Variants in SEMA5A observed in about 807,000 individuals in gnomAD.
SEMA5A encodes semaphorin 5A, also known as semaphorin-5A.
SEMA5A carries 55 observed loss-of-function variants against 135.5 expected under a neutral mutation model. The ratio of observed to expected loss-of-function variants is 0.41; its 90% CI spans 0.33 to 0.51. The LOEUF (loss-of-function observed/expected upper bound fraction) is 0.51. Among genes scored for constraint, SEMA5A ranks in the 20% least tolerant of loss-of-function variants. SEMA5A has a pLI of 0.37. For synonymous variants in SEMA5A, 580 were observed against 546.5 expected (o/e 1.06, Z -0.85); for missense variants, 1,290 against 1,419.9 (o/e 0.91, Z 1.47).
rs3086551 is a variant in SEMA5A, at chr5:9,346,892, ATG to A, written c.125-9082_125-9081del. On this transcript the variant is annotated intron_variant, in intron 3 of 22. Transcript: ENST00000382496. ...CAATGTGGTCATTGTGTATATATAT[ATG>A]TGTGTGTGTGTGTGTGTGTGTATAT... is the stretch of plus-strand genomic sequence containing the variant. Among the ~76,000 whole-genome samples the A allele has an allele frequency of 4.0e-3, 599 of 149,422 alleles. 5 individuals are homozygous for A. Among genetic ancestry groups the A allele is most frequent in the African/African-American group, 0.013 (522 of 40,568 alleles).
intron 1 of SEMA5A, among the ~76,000 whole-genome samples, chr5:9,531,166 A>C (rs902883461): frequency 2.0e-5 from 3 of 152,236 alleles, no homozygotes; most frequent in African/African-American, 7.2e-5. Flanking sequence ...AGGTCTCTGC[A>C]TCAAGCACTC....
intron 16 of SEMA5A, among the ~76,000 whole-genome samples, chr5:9,080,199 C>T (rs755892181): frequency 1.2e-4 from 19 of 152,174 alleles, no homozygotes; most frequent in East Asian, 3.9e-4. Flanking sequence ...ACATATACAC[C>T]GCGGAATACT....
intron 1 of SEMA5A, among the ~76,000 whole-genome samples, chr5:9,516,241 CAG>C (rs2126859391): frequency 6.6e-6 from 1 of 152,178 alleles, no homozygotes; most frequent in African/African-American, 2.4e-5. Context: ...CACACAGACA[CAG>C]ATACGCAAAC....
At chr5:9,487,541 C>A (rs572536987) in intron 1 of SEMA5A, among the ~76,000 whole-genome samples, 2 of 152,126 alleles carry the variant, frequency 1.3e-5, no homozygotes, top group East Asian at 3.9e-4. Context: ...GAGGAAGGTT[C>A]TTGTTTGATT....
chr5:9,183,282 T>A (rs1445516214), intron 11 of SEMA5A, among the ~76,000 whole-genome samples: 1 of 151,942 alleles, frequency 6.6e-6, no homozygotes, highest in Non-Finnish European at 1.5e-5. Context: ...GAGGTGAAAA[T>A]GGAAGGGGAA....
chr5:9,433,719 A>T (rs1561249653), intron 2 of SEMA5A, among the ~76,000 whole-genome samples: 1 of 152,154 alleles, frequency 6.6e-6, no homozygotes, highest in Non-Finnish European at 1.5e-5. Flanking sequence ...ATATAAAAAA[A>T]GAATATTATC....
At chr5:9,098,483 C>T (rs914568648) in intron 16 of SEMA5A, among the ~76,000 whole-genome samples, 1 of 152,142 alleles carries the variant, frequency 6.6e-6, no homozygotes, top group Non-Finnish European at 1.5e-5. Flanking sequence ...GTCAGCAGCA[C>T]TACAATCAAT....
Position 9,279,921 on chromosome 5 carries a change from T to C in SEMA5A, c.270+38451A>G, listed in dbSNP as rs370668959. On this transcript the variant is annotated intron_variant, in intron 5 of 22. Transcript: ENST00000382496. ...ACCCAGCCTCAGTCTCAGGTAGTTCTTGACAGCAGTGTAATAACTGACTAA... is the reference window on the plus strand; with the variant it reads ...ACCCAGCCTCAGTCTCAGGTAGTTCCTGACAGCAGTGTAATAACTGACTAA... 1.8e-4 allele frequency among the ~76,000 whole-genome samples: 27 copies of C among 152,320 alleles called. No homozygotes were observed. The South Asian group carries it at 2.1e-3, about 12-fold the overall frequency.
chr5:9,225,496 G>T (rs1359827871), intron 7 of SEMA5A, among the ~76,000 whole-genome samples: 1 of 150,554 alleles, frequency 6.6e-6, no homozygotes, highest in Non-Finnish European at 1.5e-5. Context: ...TTGAACCCAG[G>T]AGGCGGATGT....
chr5:9,479,416 C>A (rs1039830364), intron 1 of SEMA5A, among the ~76,000 whole-genome samples: 1 of 151,664 alleles, frequency 6.6e-6, no homozygotes. Flanking sequence ...AAGAAAAAAG[C>A]AGAACCTTTC....
At chr5:9,410,625 T>A (rs1170034603) in intron 2 of SEMA5A, among the ~76,000 whole-genome samples, 1 of 152,050 alleles carries the variant, frequency 6.6e-6, no homozygotes, top group Non-Finnish European at 1.5e-5. Context: ...AACCAAACAC[T>A]GCATGTTCTC....
chr5:9,230,053 T>C (rs2448459), intron 6 of SEMA5A, among the ~76,000 whole-genome samples: 152,165 of 152,264 alleles, frequency 1, 76,033 homozygotes, highest in Non-Finnish European at 1. Context: ...GGCACAATCG[T>C]GGTTCACTGC....
At chr5:9,145,019 A>G (rs1742256550) in intron 12 of SEMA5A, among the ~76,000 whole-genome samples, 1 of 141,518 alleles carries the variant, frequency 7.1e-6, no homozygotes, top group Admixed American at 6.9e-5. Context: ...GCAGTCTGTC[A>G]TTTTTACTTT....
intron 5 of SEMA5A, among the ~76,000 whole-genome samples, chr5:9,275,569 G>A (rs571516228): frequency 1.3e-5 from 2 of 152,104 alleles, no homozygotes; most frequent in South Asian, 2.1e-4. Context: ...GATGATCATC[G>A]ATGTGAAAAT....
At chr5:9,277,397 G>A (rs1750317338) in intron 5 of SEMA5A, among the ~76,000 whole-genome samples, 1 of 152,188 alleles carries the variant, frequency 6.6e-6, no homozygotes, top group South Asian at 2.1e-4. Context: ...AATGGTGGAG[G>A]ACAGTGTGGC....
At chr5:9,398,965 C>A (rs1297817276) in intron 2 of SEMA5A, among the ~76,000 whole-genome samples, 1 of 152,182 alleles carries the variant, frequency 6.6e-6, no homozygotes, top group African/African-American at 2.4e-5. Flanking sequence ...ATTGTACCAT[C>A]ATCATCAAAG....
intron 16 of SEMA5A, among the ~76,000 whole-genome samples, chr5:9,078,162 T>C (rs188309939): frequency 2.0e-5 from 3 of 152,314 alleles, no homozygotes; most frequent in Admixed American, 1.3e-4. Context: ...ATCTTTTTCC[T>C]AGCAAATATC....
intron 16 of SEMA5A, among the ~76,000 whole-genome samples, chr5:9,072,496 G>T (rs1184423282): frequency 6.6e-6 from 1 of 152,178 alleles, no homozygotes; most frequent in Non-Finnish European, 1.5e-5. Context: ...AAACTACACA[G>T]GAATAGGGAA....
At chr5:9,207,486 A>C (rs115339860) in intron 8 of SEMA5A, among the ~76,000 whole-genome samples, 1 of 152,156 alleles carries the variant, frequency 6.6e-6, no homozygotes, top group Non-Finnish European at 1.5e-5. Context: ...CCCCTGGTCT[A>C]CCATGCTGAG....
Sources: allele counts gnomAD v4.1 joint callset (sites outside exome capture counted in the v4.1 genomes callset), GRCh38; gene constraint gnomAD v4.1.1; transcripts MANE v1.5; gene names NCBI Gene and HGNC (gene_info 2026-07-23, HGNC 2026-07-21).